The following MPPED2 variants were observed in gnomAD, a reference collection of about 807,000 sequenced individuals.
MPPED2 encodes metallophosphoesterase domain containing 2, also known as metallophosphoesterase MPPED2.
MPPED2 carries 5 observed loss-of-function variants against 33.0 expected under a neutral mutation model. The observed-to-expected ratio is 0.15, with a 90% CI of 0.08 to 0.32. The LOEUF (loss-of-function observed/expected upper bound fraction) is 0.32, where lower values mean the gene tolerates loss of function less well. Among genes scored for constraint, MPPED2 ranks in the 10% least tolerant of loss-of-function variants. The pLI, the probability that MPPED2 is intolerant of heterozygous loss-of-function variation, is 1.00. For synonymous variants in MPPED2, 136 were observed against 141.9 expected (o/e 0.96, Z 0.29); for missense variants, 275 against 372.1 (o/e 0.74, Z 2.15).
intron 2 of MPPED2, among the ~76,000 whole-genome samples, chr11:30,559,952 TTGTGGAGTTTTATCAATAA>T (rs1956165529): frequency 2.0e-5 from 3 of 152,264 alleles, no homozygotes; most frequent in Non-Finnish European, 4.4e-5. Flanking sequence ...GCCTGTTGCC[TTGTGGAGTTTTATCAATAA>T]TGTAGCTAAT....
intron 4 of MPPED2, among the ~76,000 whole-genome samples, chr11:30,456,355 G>A (rs1206244932): frequency 3.3e-5 from 5 of 152,144 alleles, no homozygotes; most frequent in Non-Finnish European, 5.9e-5. Flanking sequence ...TCAGTTGAGG[G>A]GAATAAACAC....
At chr11:30,499,346 T>A (rs571326042) in intron 3 of MPPED2, among the ~76,000 whole-genome samples, 21 of 152,340 alleles carry the variant, frequency 1.4e-4, no homozygotes, top group African/African-American at 5.1e-4. Flanking sequence ...GGAATATTTG[T>A]GTTACACTGA....
At chr11:30,494,332 C>T (rs1284452108) in intron 4 of MPPED2, among the ~76,000 whole-genome samples, 1 of 152,128 alleles carries the variant, frequency 6.6e-6, no homozygotes, top group Non-Finnish European at 1.5e-5. Flanking sequence ...CCTCTCAAAT[C>T]CTTCTGTGTC....
rs137966414 is a variant in MPPED2, at chr11:30,575,180, C to T, written c.128+5066G>A. On this transcript the variant is annotated intron_variant, in intron 2 of 6. Coordinates refer to ENST00000358117, the MANE Select transcript of MPPED2 (RefSeq NM_001584.3). ...AGCTACAGATTTTTTTTTTAACTAG[C>T]GATGGCCAAGCAACACTGACAGATA... 2.0e-3 allele frequency among the ~76,000 whole-genome samples: 308 copies of T among 151,942 alleles called. 2 individuals are homozygous for T. The highest frequency in any genetic ancestry group is 6.9e-3 in the African/African-American group (284 of 41,438).
chr11:30,538,833 C>T (rs1466393175), intron 2 of MPPED2, among the ~76,000 whole-genome samples: 3 of 152,098 alleles, frequency 2.0e-5, no homozygotes, highest in Middle Eastern at 3.4e-3. Flanking sequence ...GGAAGTGAGG[C>T]GTATACAGAT....
At chr11:30,415,060 G>A (rs886159128) in intron 5 of MPPED2, among the ~76,000 whole-genome samples, 7 of 152,126 alleles carry the variant, frequency 4.6e-5, no homozygotes, top group Admixed American at 3.9e-4. Flanking sequence ...GAATCCATAC[G>A]CCTCAGCAGG....
intron 2 of MPPED2, among the ~76,000 whole-genome samples, chr11:30,566,630 A>T (rs1049885531): frequency 1.3e-5 from 2 of 152,218 alleles, no homozygotes; most frequent in Non-Finnish European, 2.9e-5. Flanking sequence ...AATTCCTCGA[A>T]TCCTTGCAAA....
chr11:30,438,576 CA>C (rs1405775560), intron 4 of MPPED2, among the ~76,000 whole-genome samples: 1 of 152,182 alleles, frequency 6.6e-6, no homozygotes, highest in Non-Finnish European at 1.5e-5. Flanking sequence ...TAGGCGGGGC[CA>C]GGGGGCAGAA....
intron 3 of MPPED2, among the ~76,000 whole-genome samples, chr11:30,529,527 G>A (rs1954395849): frequency 6.6e-6 from 1 of 151,996 alleles, no homozygotes; most frequent in South Asian, 2.1e-4. Context: ...AGATATTTGT[G>A]TGTGTGTGTG....
At chr11:30,555,019 G>A (rs759977627) in intron 2 of MPPED2, among the ~76,000 whole-genome samples, 2 of 152,124 alleles carry the variant, frequency 1.3e-5, no homozygotes, top group African/African-American at 4.8e-5. Flanking sequence ...TTTCCCAGAT[G>A]CCATGGTATA....
intron 1 of MPPED2, among the ~76,000 whole-genome samples, chr11:30,585,117 G>C (rs1357949945): frequency 6.6e-6 from 1 of 152,026 alleles, no homozygotes; most frequent in Admixed American, 6.5e-5. Flanking sequence ...TCACCTCCTA[G>C]GCCGCAAAAC....
At chr11:30,492,595 C>T (rs1433833342) in intron 4 of MPPED2, among the ~76,000 whole-genome samples, 1 of 152,096 alleles carries the variant, frequency 6.6e-6, no homozygotes, top group Non-Finnish European at 1.5e-5. Flanking sequence ...CCCAGAAATG[C>T]TAATATCAAC....
chr11:30,530,596 A>G (rs550992588), intron 3 of MPPED2, among the ~76,000 whole-genome samples: 2 of 152,346 alleles, frequency 1.3e-5, no homozygotes, highest in South Asian at 2.1e-4. Context: ...CAGCGTTTTC[A>G]AAGGGAAAGA....
At chr11:30,495,859 C>T (rs909414027) in intron 3 of MPPED2, among the ~76,000 whole-genome samples, 1 of 152,120 alleles carries the variant, frequency 6.6e-6, no homozygotes, top group South Asian at 2.1e-4. Flanking sequence ...TCTTTAATCA[C>T]GATCCTTAAG....
intron 4 of MPPED2, among the ~76,000 whole-genome samples, chr11:30,469,921 T>C (rs998324031): frequency 6.6e-6 from 1 of 152,194 alleles, no homozygotes; most frequent in Admixed American, 6.5e-5. Context: ...CACTGTGTCA[T>C]GGAAGGTACC....
intron 4 of MPPED2, among the ~76,000 whole-genome samples, chr11:30,437,582 A>C (rs189943612): frequency 6.6e-6 from 1 of 152,298 alleles, no homozygotes; most frequent in Non-Finnish European, 1.5e-5. Context: ...ATCCACACTT[A>C]TCTGAATACT....
At chr11:30,388,620 C>T (rs1409996190) in exon 7 of MPPED2, 3 of 278,240 alleles carry the variant, frequency 1.1e-5, no homozygotes, top group Non-Finnish European at 2.0e-5. Context: ...CCTACAACCC[C>T]TTCCTGCAGT....
At chr11:30,430,413 T>A (rs1419721801) in intron 4 of MPPED2, among the ~76,000 whole-genome samples, 6 of 152,248 alleles carry the variant, frequency 3.9e-5, no homozygotes, top group Non-Finnish European at 8.8e-5. Flanking sequence ...TGCTTTCTGA[T>A]AACTGGGTCA....
At position 30,562,553 on chromosome 11, in the gene MPPED2, G is replaced by A. The variant is rs891455832; in HGVS notation, c.128+17693C>T. 3.3e-5 allele frequency among the ~76,000 whole-genome samples: 5 copies of A among 152,076 alleles called. No individual in the cohort carries two copies. In the East Asian group the frequency reaches 5.8e-4, roughly 18 times the overall value. ...GCATTTCAGTAGAACTAAGGCAGAC[G>A]CCCAAAAAATCTTATTTTAGACATG... On this transcript the variant is annotated intron_variant, in intron 2 of 6. Transcript: ENST00000358117.
Sources: allele counts gnomAD v4.1 joint callset (sites outside exome capture counted in the v4.1 genomes callset), GRCh38; gene constraint gnomAD v4.1.1; transcripts MANE v1.5; gene names NCBI Gene and HGNC (gene_info 2026-07-23, HGNC 2026-07-21).